The following SUGCT variants were observed in gnomAD, a reference collection of about 807,000 sequenced individuals.
SUGCT encodes succinyl-CoA:glutarate-CoA transferase.
In SUGCT, 41 loss-of-function variants were observed where a neutral mutation model predicts 55.0. That is an observed-to-expected ratio of 0.74 (90% CI 0.58 to 0.97). The LOEUF (loss-of-function observed/expected upper bound fraction) is 0.97, where lower values mean the gene tolerates loss of function less well. SUGCT is among the 50% of genes least tolerant of loss of function. SUGCT has a pLI of 0.00. For synonymous variants in SUGCT, 187 were observed against 200.4 expected, an observed-to-expected ratio of 0.93 and a Z score of 0.56; for missense variants, 568 against 547.8, an observed-to-expected ratio of 1.04 and a Z score of -0.37.
At chr7:40,388,043 T>G (rs1785220132) in intron 9 of SUGCT, 1 of 152,226 alleles carries the variant, frequency 6.6e-6, no homozygotes, top group African/African-American at 2.4e-5. Context: ...TGTTAAAGCC[T>G]CAGTCAGTGT....
chr7:40,390,236 GC>G (rs1282047007), intron 9 of SUGCT, among the ~76,000 whole-genome samples: 1 of 152,190 alleles, frequency 6.6e-6, no homozygotes, highest in African/African-American at 2.4e-5. Context: ...AGACAGGGAT[GC>G]CGTCTCTCAC....
chr7:40,552,517 C>T (rs1313875525), intron 12 of SUGCT, among the ~76,000 whole-genome samples: 1 of 152,130 alleles, frequency 6.6e-6, no homozygotes, highest in African/African-American at 2.4e-5. Flanking sequence ...TCAACTCCCC[C>T]ACTCATCTGT....
chr7:40,204,495 G>C (rs1373433758), intron 6 of SUGCT, among the ~76,000 whole-genome samples: 1 of 151,952 alleles, frequency 6.6e-6, no homozygotes, highest in Non-Finnish European at 1.5e-5. Context: ...GTAGAGACAG[G>C]GTTTCACTGT....
intron 7 of SUGCT, among the ~76,000 whole-genome samples, chr7:40,250,042 C>T (rs1012178349): frequency 6.6e-6 from 1 of 152,138 alleles, no homozygotes; most frequent in Non-Finnish European, 1.5e-5. Context: ...CTGCCTCGGC[C>T]TCCCAAAGTG....
rs528271139 is a variant in SUGCT at position 40,550,100 on chromosome 7, C to A, written c.1089+53714C>A. The stretch of plus-strand genomic sequence containing the variant: ...TTAGGATATCAACAATCATCAGTTG[C>A]TGTCTATGCTGGTGGCTCTACCACC... On this transcript the variant is annotated intron_variant, in intron 12 of 13. Transcript: ENST00000335693. Among the ~76,000 whole-genome samples the A allele has an allele frequency of 2.8e-3, 428 of 152,284 alleles. 3 individuals carry two copies. The highest frequency in any genetic ancestry group is 9.6e-3 in the African/African-American group (398 of 41,548).
At chr7:40,941,592 A>G in the SUGCT span, among the ~76,000 whole-genome samples, 1 of 152,116 alleles carries the variant, frequency 6.6e-6, no homozygotes, top group African/African-American at 2.4e-5. Context: ...TATTTGTGCT[A>G]GAGTGCAATT....
At chr7:40,237,539 G>C in intron 6 of SUGCT, 96 bp from the exon 7 acceptor site, 1 of 945,252 alleles carries the variant, frequency 1.1e-6, no homozygotes. Flanking sequence ...AAATGCTGCA[G>C]GATTTCTGGA....
At chr7:40,618,141 G>A (rs750490922) in intron 12 of SUGCT, among the ~76,000 whole-genome samples, 11 of 151,994 alleles carry the variant, frequency 7.2e-5, no homozygotes, top group Non-Finnish European at 1.2e-4. Flanking sequence ...CTTTATTACT[G>A]CTATCTTTCT....
the SUGCT span, among the ~76,000 whole-genome samples, chr7:41,021,543 A>G: frequency 1.3e-5 from 2 of 152,174 alleles, no homozygotes; most frequent in African/African-American, 4.8e-5. Context: ...AAGATGAGCT[A>G]GCAAGAAAAA....
chr7:41,018,201 G>A, the SUGCT span, among the ~76,000 whole-genome samples: 7 of 152,062 alleles, frequency 4.6e-5, no homozygotes, highest in Non-Finnish European at 8.8e-5. Flanking sequence ...GTTAATTGGA[G>A]AGAATGCATG....
At chr7:40,524,904 G>T (rs981695181) in intron 12 of SUGCT, among the ~76,000 whole-genome samples, 1 of 152,110 alleles carries the variant, frequency 6.6e-6, no homozygotes, top group African/African-American at 2.4e-5. Flanking sequence ...GAGTGGAGGG[G>T]CATGTGTACT....
At chr7:40,301,380 G>GA (rs1794528149) in intron 8 of SUGCT, among the ~76,000 whole-genome samples, 1 of 152,108 alleles carries the variant, frequency 6.6e-6, no homozygotes, top group Non-Finnish European at 1.5e-5. Context: ...TTAAATCACT[G>GA]AGTTTGTTTA....
the SUGCT span, among the ~76,000 whole-genome samples, chr7:40,920,841 A>G: frequency 6.6e-6 from 1 of 152,262 alleles, no homozygotes; most frequent in Non-Finnish European, 1.5e-5. Flanking sequence ...AGCAAGTTTA[A>G]GGTTTAAATA....
At chr7:40,656,068 A>T (rs143754150) in intron 12 of SUGCT, among the ~76,000 whole-genome samples, 1 of 152,294 alleles carries the variant, frequency 6.6e-6, no homozygotes, top group East Asian at 1.9e-4. Context: ...TATGCTATAC[A>T]ATTTAATATA....
the SUGCT span, among the ~76,000 whole-genome samples, chr7:40,987,946 C>G: frequency 6.6e-6 from 1 of 151,882 alleles, no homozygotes; most frequent in South Asian, 2.1e-4. Flanking sequence ...AACTTGTTCT[C>G]TTTCTCTCTG....
intron 12 of SUGCT, among the ~76,000 whole-genome samples, chr7:40,691,175 G>T (rs1784681700): frequency 6.6e-6 from 1 of 152,184 alleles, no homozygotes; most frequent in Non-Finnish European, 1.5e-5. Context: ...ATCCTGGAGT[G>T]ACCTGGCCCT....
chr7:40,295,479 G>A (rs145873467), intron 8 of SUGCT, among the ~76,000 whole-genome samples: 344 of 152,286 alleles, frequency 2.3e-3, no homozygotes, highest in Non-Finnish European at 4.1e-3. Flanking sequence ...GGGTAGCTGA[G>A]GCAGGCGAAT....
At chr7:40,800,595 A>C (rs1169262878) in intron 13 of SUGCT, among the ~76,000 whole-genome samples, 1 of 152,042 alleles carries the variant, frequency 6.6e-6, no homozygotes, top group Non-Finnish European at 1.5e-5. Context: ...CCTGGCCCTC[A>C]TGGCCTTTTA....
the SUGCT span, among the ~76,000 whole-genome samples, chr7:41,002,936 G>A: frequency 6.6e-6 from 1 of 152,040 alleles, no homozygotes; most frequent in Non-Finnish European, 1.5e-5. Flanking sequence ...GGTATATAAA[G>A]CATCTAGCAC....
Sources: gnomAD v4.1 joint callset for allele counts (sites outside exome capture counted in the v4.1 genomes callset) on GRCh38, gnomAD v4.1.1 for gene constraint, MANE v1.5 for transcripts, NCBI Gene and HGNC (gene_info 2026-07-23, HGNC 2026-07-21) for gene names.